KATNIP: variants seen among roughly 807,000 people sequenced by gnomAD.
KATNIP encodes the protein katanin interacting protein.
In KATNIP, 126 loss-of-function variants were observed where a neutral mutation model predicts 174.0. The ratio of observed to expected loss-of-function variants is 0.72; its 90% CI spans 0.63 to 0.84. The LOEUF is 0.84. Ranked by LOEUF, KATNIP falls within the 40% of genes least tolerant of loss-of-function variation. The pLI, the probability that KATNIP is intolerant of heterozygous loss-of-function variation, is 0.00. For synonymous variants in KATNIP, 810 were observed against 835.7 expected (o/e 0.97, Z 0.53); for missense variants, 1,958 against 2,109.7 (o/e 0.93, Z 1.41).
intron 2 of KATNIP, among the ~76,000 whole-genome samples, chr16:27,578,438 G>A (rs2090577200): frequency 6.6e-6 from 1 of 152,154 alleles, no homozygotes; most frequent in Admixed American, 6.5e-5. Flanking sequence ...CTCCACCGCT[G>A]CCACAGATAC....
chr16:27,751,948 T>TGG, intron 17 of KATNIP, 24 bp downstream of exon 17: 1 of 1,572,480 alleles, frequency 6.4e-7, no homozygotes, highest in Non-Finnish European at 8.6e-7. Flanking sequence ...TGGGGGGCTG[T>TGG]GGGGGGACCC....
chr16:27,698,369 A>G lies in KATNIP; in HGVS notation c.982A>G (p.Lys328Glu). ...RRERPLSATR[K>E]TLCEAEYPEE... Reference sequence around the variant, plus strand: ...AGAGAGACCCCTGTCTGCAACCCGCAAAACTCTTTGCGAGGCTGAGTACCC... The same window carrying G: ...AGAGAGACCCCTGTCTGCAACCCGCGAAACTCTTTGCGAGGCTGAGTACCC... The change falls in exon 9 of 28, where the codon AAA becomes GAA. Residue 328 changes from lysine to glutamate, a missense_variant. This residue lies in a region of KATNIP where 1,557 missense variants were observed against 1,617.8 expected (regional missense o/e 0.96). Coordinates refer to ENST00000261588, the MANE Select transcript of KATNIP (RefSeq NM_015202.5). 2 of 1,613,012 alleles carry G rather than the reference A, an allele frequency of 1.2e-6. No individual in the cohort carries two copies. The highest frequency in any genetic ancestry group is 2.2e-5 in the South Asian group (2 of 90,712).
intron 12 of KATNIP, among the ~76,000 whole-genome samples, chr16:27,707,677 A>G (rs550885508): frequency 6.6e-6 from 1 of 152,328 alleles, no homozygotes; most frequent in East Asian, 1.9e-4. Flanking sequence ...GGCTTCAACA[A>G]CAGAGATTTG....
chr16:27,754,513 A>G (rs2081642778), intron 18 of KATNIP: 2 of 496,748 alleles, frequency 4.0e-6, no homozygotes, highest in South Asian at 2.2e-5. Flanking sequence ...CAGACACCCT[A>G]TGTGTTAGCT....
intron 1 of KATNIP, among the ~76,000 whole-genome samples, chr16:27,573,295 G>A (rs2090372900): frequency 6.6e-6 from 1 of 152,242 alleles, no homozygotes; most frequent in Non-Finnish European, 1.5e-5. Flanking sequence ...TAAAAGTTGT[G>A]AAAACTGCAT....
chr16:27,777,816 G>C lies in KATNIP; in HGVS notation c.4712+46G>C. The C allele has an allele frequency of 6.2e-7, 1 of 1,613,206 alleles. No individual in the cohort carries two copies. The highest frequency in any genetic ancestry group is 2.2e-5 in the East Asian group (1 of 44,886). On this transcript the variant is annotated intron_variant, in intron 26 of 27. Coordinates refer to ENST00000261588, the MANE Select transcript of KATNIP (RefSeq NM_015202.5). This position sits in a 1 kb window ranked among gnomAD's most constrained non-coding sequence, Gnocchi z 4.4. The stretch of plus-strand genomic sequence containing the variant: ...ATGGCCTCCCCACCAGCCCTAAGGA[G>C]GATGGATGGCTGGGACACACGGCCA...
At chr16:27,654,553 C>G in intron 6 of KATNIP, 1 of 1,345,772 alleles carries the variant, frequency 7.4e-7, no homozygotes, top group South Asian at 1.1e-5. Flanking sequence ...CCCAGCATGT[C>G]TTCAGGGACA....
intron 3 of KATNIP, among the ~76,000 whole-genome samples, chr16:27,625,904 C>T (rs539523606): frequency 6.6e-6 from 1 of 151,420 alleles, no homozygotes; most frequent in East Asian, 1.9e-4. Context: ...GGCTGGAGTG[C>T]AGTGGCATGA....
Position 27,698,315 on chromosome 16 carries a change from C to T in KATNIP, c.941-13C>T. 1 of 1,602,208 alleles carries T rather than the reference C, an allele frequency of 6.2e-7. No individual in the cohort carries two copies. The highest frequency in any genetic ancestry group is 8.5e-7 in the Non-Finnish European group (1 of 1,172,302). On this transcript the variant is annotated splice_polypyrimidine_tract_variant and intron_variant, in intron 8 of 27. Transcript: ENST00000261588. The stretch of plus-strand genomic sequence containing the variant: ...ATAATCTAAAAGAACGTCCCCCTGT[C>T]TTCTGCCCTCAGGACCTGGAAGCCG...
intron 13 of KATNIP, among the ~76,000 whole-genome samples, chr16:27,713,007 T>C (rs1398944595): frequency 6.6e-6 from 1 of 152,126 alleles, no homozygotes; most frequent in African/African-American, 2.4e-5. Context: ...AGGGTCTCAC[T>C]GTGTGTCCCA....
intron 13 of KATNIP, among the ~76,000 whole-genome samples, chr16:27,716,669 A>C (rs1439656250): frequency 6.6e-6 from 1 of 152,122 alleles, no homozygotes; most frequent in Non-Finnish European, 1.5e-5. Flanking sequence ...TTCTTTCTAA[A>C]GATACAGACA....
intron 5 of KATNIP, chr16:27,632,670 C>T: frequency 2.2e-6 from 1 of 455,038 alleles, no homozygotes; most frequent in Non-Finnish European, 4.4e-6. Context: ...GGAGGGGCAG[C>T]AGGCAGGCTG....
At chr16:27,574,443 G>A (rs2090414517) in intron 2 of KATNIP, 1 of 158,498 alleles carries the variant, frequency 6.3e-6, no homozygotes, top group Non-Finnish European at 1.4e-5. Context: ...CAGCAAGCTA[G>A]GCAGATTTTT....
At chr16:27,566,265 G>A (rs545383617) in intron 1 of KATNIP, among the ~76,000 whole-genome samples, 1 of 152,300 alleles carries the variant, frequency 6.6e-6, no homozygotes, top group African/African-American at 2.4e-5. Context: ...CCGGCCAGGC[G>A]TGGTAGCTCA....
In KATNIP at chr16:27,776,111, CA is replaced by C. The variant is rs2082489128; in HGVS notation, c.4450-815del. 6.6e-6 allele frequency among the ~76,000 whole-genome samples: 1 copy of C among 152,124 alleles called. No individual in the cohort carries two copies. Among genetic ancestry groups the C allele is most frequent in the South Asian group, 2.1e-4 (1 of 4,830 alleles). ...TCTGTATCTGCTTGAGCCTCACAGGCAACTGAGTTTGGAGACCCTCACCCTG... is the reference window on the plus strand; with the variant it reads ...TCTGTATCTGCTTGAGCCTCACAGGCACTGAGTTTGGAGACCCTCACCCTG... On this transcript the variant is annotated intron_variant, in intron 24 of 27. Transcript: ENST00000261588. This position sits in a 1 kb window ranked among gnomAD's most constrained non-coding sequence, Gnocchi z 4.7.
chr16:27,648,830 A>G, intron 6 of KATNIP, 95 bp downstream of exon 6: 3 of 1,352,306 alleles, frequency 2.2e-6, no homozygotes, highest in Non-Finnish European at 3.1e-6. Context: ...ACAGTTATTT[A>G]TTCTGTCCTT....
chr16:27,687,054 C>T (rs1055646156), intron 8 of KATNIP: 1 of 152,134 alleles, frequency 6.6e-6, no homozygotes, highest in Non-Finnish European at 1.5e-5. Context: ...CATTGTTAAC[C>T]TTTCTGTGCC....
At chr16:27,624,875 G>T (rs1455011488) in intron 3 of KATNIP, among the ~76,000 whole-genome samples, 1 of 152,202 alleles carries the variant, frequency 6.6e-6, no homozygotes, top group Admixed American at 6.5e-5. Context: ...AGGCACCATG[G>T]CCCATAGGAC....
rs188357371 is a variant in KATNIP, at chr16:27,713,162, C to T, written c.1605+4242C>T. Among the ~76,000 whole-genome samples the T allele has an allele frequency of 2.5e-3, 379 of 152,204 alleles. 3 individuals carry two copies. Among genetic ancestry groups the T allele is most frequent in the Non-Finnish European group, 3.1e-3 (214 of 68,002 alleles). Reference sequence around the variant, plus strand: ...AGTTTTGATTCCCCTGCCCTCTTCCCCACATCACTTCTTCCTCCAGTATTT... The same window carrying T: ...AGTTTTGATTCCCCTGCCCTCTTCCTCACATCACTTCTTCCTCCAGTATTT... On this transcript the variant is annotated intron_variant, in intron 13 of 27. Transcript: ENST00000261588.
Sources: gnomAD v4.1 joint callset for allele counts (sites outside exome capture counted in the v4.1 genomes callset) on GRCh38, gnomAD v4.1.1 for gene constraint, gnomAD v4.1.1 regional missense constraint, Gnocchi (gnomAD v3.1) non-coding constraint, MANE v1.5 for transcripts, NCBI Gene and HGNC (gene_info 2026-07-23, HGNC 2026-07-21) for gene names.